VPS8: variants seen among roughly 807,000 people sequenced by gnomAD.
VPS8 encodes the protein VPS8 subunit of CORVET complex, also known as vacuolar protein sorting-associated protein 8 homolog.
VPS8 carries 129 observed loss-of-function variants against 216.4 expected under a neutral mutation model. The ratio of observed to expected loss-of-function variants is 0.60; its 90% CI spans 0.52 to 0.69. The LOEUF (loss-of-function observed/expected upper bound fraction) is 0.69, where lower values mean the gene tolerates loss of function less well. VPS8 is among the 30% of genes least tolerant of loss of function. The pLI, the probability that VPS8 is intolerant of heterozygous loss-of-function variation, is 0.00. For synonymous variants in VPS8, 571 were observed against 565.4 expected, an observed-to-expected ratio of 1.01 and a Z score of -0.14; for missense variants, 1,531 against 1,683.5, an observed-to-expected ratio of 0.91 and a Z score of 1.59.
At chr3:184,852,412 T>C in intron 10 of VPS8, 88 bp from the exon 11 acceptor site, 1 of 1,094,674 alleles carries the variant, frequency 9.1e-7, no homozygotes, top group Non-Finnish European at 1.3e-6. Context: ...ATGTGTATAT[T>C]GTAGTTTTTC....
chr3:184,970,517 A>G (rs1403277165), intron 39 of VPS8, among the ~76,000 whole-genome samples: 2 of 152,196 alleles, frequency 1.3e-5, no homozygotes, highest in African/African-American at 2.4e-5. Flanking sequence ...TGAAGGATAA[A>G]TAGGAGTTTG....
At chr3:184,975,396 T>G (rs1043880219) in intron 40 of VPS8, among the ~76,000 whole-genome samples, 1 of 152,108 alleles carries the variant, frequency 6.6e-6, no homozygotes, top group African/African-American at 2.4e-5. Flanking sequence ...GAATGTTGAT[T>G]TTTGAATCCA....
intron 45 of VPS8, among the ~76,000 whole-genome samples, chr3:185,016,120 A>G (rs1454155340): frequency 6.6e-6 from 1 of 152,220 alleles, no homozygotes; most frequent in African/African-American, 2.4e-5. Context: ...TGGCGTAGGT[A>G]GGAATGCCTA....
chr3:184,815,095 A>G (rs1716021511), intron 1 of VPS8, among the ~76,000 whole-genome samples: 1 of 152,204 alleles, frequency 6.6e-6, no homozygotes, highest in African/African-American at 2.4e-5. Context: ...AGGCAGTAAC[A>G]CATAGGGAAC....
chr3:184,915,059 T>C lies in VPS8; in HGVS notation c.2262+6T>C. 2.5e-6 allele frequency: 4 copies of C among 1,613,664 alleles called. No homozygotes were observed. The highest frequency in any genetic ancestry group is 3.4e-6 in the Non-Finnish European group (4 of 1,179,550). On this transcript the variant is annotated splice_donor_region_variant and intron_variant, in intron 27 of 47. Transcript: ENST00000625842. ...TTCCCTTGGTTAAAAACCAGGTTGG[T>C]ACTATTTTTATAGCCTTTTGACTGT...
At chr3:184,993,347 G>GT (rs1653261816) in intron 42 of VPS8, among the ~76,000 whole-genome samples, 1 of 151,056 alleles carries the variant, frequency 6.6e-6, no homozygotes, top group African/African-American at 2.4e-5. Flanking sequence ...TTTTTGTTTT[G>GT]TTTTTTGTTT....
intron 45 of VPS8, among the ~76,000 whole-genome samples, chr3:185,010,363 T>C (rs1754844348): frequency 6.6e-6 from 1 of 152,098 alleles, no homozygotes; most frequent in Non-Finnish European, 1.5e-5. Flanking sequence ...TTACTAGGCA[T>C]GCAAAGAAGC....
chr3:184,903,631 C>T (rs1227190209), intron 25 of VPS8, among the ~76,000 whole-genome samples: 1 of 151,440 alleles, frequency 6.6e-6, no homozygotes. Flanking sequence ...AAAAAATTCT[C>T]AAGACAGGGT....
At chr3:185,050,705 C>T (rs1042995263) in intron 47 of VPS8, among the ~76,000 whole-genome samples, 1 of 152,222 alleles carries the variant, frequency 6.6e-6, no homozygotes, top group African/African-American at 2.4e-5. Flanking sequence ...TTGATACAGT[C>T]ACCAGAGGTT....
intron 40 of VPS8, among the ~76,000 whole-genome samples, chr3:184,982,141 T>G (rs183196169): frequency 1.3e-5 from 2 of 152,196 alleles, no homozygotes; most frequent in East Asian, 3.9e-4. Flanking sequence ...GGGGGACAGC[T>G]AGTGGGGGTG....
chr3:184,894,652 T>C (rs1408455380), intron 22 of VPS8, 51 bp from the exon 23 acceptor site: 5 of 1,373,904 alleles, frequency 3.6e-6, no homozygotes, highest in Non-Finnish European at 5.0e-6. Context: ...CTAAATTTAA[T>C]GGATATTTGG....
chr3:184,834,883 A>T, intron 5 of VPS8, 141 bp downstream of exon 5: 5 of 627,678 alleles, frequency 8.0e-6, no homozygotes, highest in Non-Finnish European at 1.3e-5. Flanking sequence ...TTTTTGTGTG[A>T]TGATTTTTGA....
chr3:184,919,989 G>C, intron 28 of VPS8, 138 bp from the exon 29 acceptor site: 1 of 611,124 alleles, frequency 1.6e-6, no homozygotes, highest in South Asian at 2.2e-5. Context: ...CACGCAAGGT[G>C]TATAAGACAA....
In VPS8 at chr3:184,826,339, G is replaced by A. The variant is rs1188936276; in HGVS notation, c.222+108G>A. The A allele has an allele frequency of 4.5e-6, 3 of 672,736 alleles. No individual in the cohort carries two copies. In the East Asian group the frequency reaches 8.8e-5, roughly 20 times the overall value. The allele number at this position is 672,736 out of a possible 1,614,324, so 41.7% of individuals were successfully genotyped here. On this transcript the variant is annotated intron_variant, in intron 3 of 47. Transcript: ENST00000625842. ...TAGATGCGCACTTTCCAGTAGGGTA[G>A]CCACTAGTCGTGTGTGTCAGTTTAA...
chr3:184,849,793 A>G, intron 9 of VPS8, 143 bp from the exon 10 acceptor site: 1 of 665,920 alleles, frequency 1.5e-6, no homozygotes, highest in Non-Finnish European at 2.6e-6. Context: ...TGGATCTGCA[A>G]CCTTTAGGTA....
intron 8 of VPS8, 141 bp from the exon 9 acceptor site, chr3:184,848,930 A>G (rs1723712781): frequency 2.3e-6 from 2 of 881,138 alleles, no homozygotes; most frequent in South Asian, 1.6e-5. Context: ...TGCTCAATAA[A>G]TATATTTAAA....
At chr3:184,842,649 C>T (rs1722402333) in intron 7 of VPS8, among the ~76,000 whole-genome samples, 1 of 152,104 alleles carries the variant, frequency 6.6e-6, no homozygotes, top group Non-Finnish European at 1.5e-5. Context: ...TGGGTTAGAT[C>T]TCATCTCTGT....
chr3:184,871,222 A>AT (rs1728290352), intron 21 of VPS8, among the ~76,000 whole-genome samples: 3 of 147,678 alleles, frequency 2.0e-5, no homozygotes, highest in East Asian at 2.1e-4. Flanking sequence ...TATATATATA[A>AT]AATATGATCT....
intron 23 of VPS8, among the ~76,000 whole-genome samples, chr3:184,898,034 C>T (rs1733830099): frequency 6.6e-6 from 1 of 152,016 alleles, no homozygotes; most frequent in Admixed American, 6.6e-5. Context: ...TTTTTGAATA[C>T]TCCAGACCAG....
Sources: gnomAD v4.1 joint callset for allele counts (sites outside exome capture counted in the v4.1 genomes callset) on GRCh38, gnomAD v4.1.1 for gene constraint, MANE v1.5 for transcripts, NCBI Gene and HGNC (gene_info 2026-07-23, HGNC 2026-07-21) for gene names.